The following HMCN2 variants were observed in gnomAD, a reference collection of about 807,000 sequenced individuals.
HMCN2 encodes the protein hemicentin-2.
Under a neutral mutation model 377.5 loss-of-function variants are expected in HMCN2, and 325 were observed. The observed-to-expected ratio is 0.86, with a 90% CI of 0.79 to 0.94. The LOEUF is 0.94. Ranked by LOEUF, HMCN2 falls within the 40% of genes least tolerant of loss-of-function variation. HMCN2 has a pLI of 0.00. For synonymous variants in HMCN2, 2,007 were observed against 2,046.8 expected, an observed-to-expected ratio of 0.98 and a Z score of 0.53; for missense variants, 4,543 against 4,725.3, an observed-to-expected ratio of 0.96 and a Z score of 1.13.
Position 130,377,689 on chromosome 9 carries a change from G to T in HMCN2, c.8102G>T (p.Gly2701Val). Reference protein sequence around the residue: ...PSSRLQVLGEGRLLQIQPTQV... With the variant: ...PSSRLQVLGEVRLLQIQPTQV... ...TCGCGGCTGCAGGTCCTGGGTGAAG[G>T]GCGACTGCTCCAGATCCAGCCCACA... The change falls in exon 53 of 98, where the codon GGG becomes GTG. Residue 2701 changes from glycine to valine, a missense_variant. Around this residue, in one of 5 missense-constraint regions of HMCN2, gnomAD observed 736 missense variants for 773.2 expected, o/e 0.95. Transcript: ENST00000683500. 2 of 985,936 alleles carry T rather than the reference G, an allele frequency of 2.0e-6. No homozygotes were observed. The highest frequency in any genetic ancestry group is 1.2e-6 in the Non-Finnish European group (1 of 829,984). The allele number at this position is 985,936 out of a possible 1,614,324, so 61.1% of individuals were successfully genotyped here.
At position 130,302,878 on chromosome 9, in the gene HMCN2, C is replaced by T. The variant is rs544969070; in HGVS notation, c.1298C>T (p.Ala433Val). 8.6e-6 allele frequency: 4 copies of T among 467,648 alleles called. No individual in the cohort carries two copies. Among genetic ancestry groups the T allele is most frequent in the Admixed American group, 4.7e-5 (2 of 42,342 alleles). The allele number at this position is 467,648 out of a possible 1,614,324, so 29.0% of individuals were successfully genotyped here. A position where few individuals can be genotyped will look rare whatever the true frequency, so the allele number is the denominator to read the frequency against. Residue 433 changes from alanine (A) to valine (V), a missense_variant, in exon 9 of 98, where the codon GCC becomes GTC. Ala to Val is a moderately conservative substitution (Grantham distance 64, BLOSUM62 0). Coordinates refer to ENST00000683500, the MANE Select transcript of HMCN2 (RefSeq NM_001291815.2). ...ACAGGCGCTCCCCTCGTCAGCATGGCCCCCAGGATCCATGGCTACCTGCAC... is the reference window on the plus strand; with the variant it reads ...ACAGGCGCTCCCCTCGTCAGCATGGTCCCCAGGATCCATGGCTACCTGCAC... ...VAPGAPLVSM[A>V]PRIHGYLHQP... is the part of the protein sequence containing the mutation.
At chr9:130,327,182 T>C (rs2131421519) in intron 21 of HMCN2, 128 bp from the exon 22 acceptor site, 1 of 152,396 alleles carries the variant, frequency 6.6e-6, no homozygotes, top group East Asian at 1.9e-4. Context: ...ATCCACCTTC[T>C]GGACCTCCTG....
At position 130,407,670 on chromosome 9, in the gene HMCN2, G is replaced by A. The variant is rs1186792174; in HGVS notation, c.12653G>A (p.Gly4218Asp). The stretch of plus-strand genomic sequence containing the variant: ...GTCTGCTGGGCGGAGAACAGAGTGG[G>A]CCGCACGCAGGCGGTCAGCTTCGTC... ...TYVCWAENRVGRTQAVSFVHV... is the reference protein window; with the variant it reads ...TYVCWAENRVDRTQAVSFVHV... The change falls in exon 83 of 98, where the codon GGC becomes GAC. Residue 4218 changes from glycine (G) to aspartate (D), a missense_variant. By Grantham distance (94) the Gly-to-Asp change is moderately conservative (BLOSUM62 -1). Coordinates refer to ENST00000683500, the MANE Select transcript of HMCN2 (RefSeq NM_001291815.2). 6.3e-6 allele frequency: 8 copies of A among 1,266,190 alleles called. No homozygotes were observed. In the Admixed American group the frequency reaches 2.0e-4, roughly 31 times the overall value. 78.4% of individuals were successfully genotyped at this position (1,266,190 alleles called of 1,614,324 possible).
At chr9:130,427,170 A>G in intron 90 of HMCN2, 143 bp from the exon 91 acceptor site, 1 of 821,838 alleles carries the variant, frequency 1.2e-6, no homozygotes, top group Non-Finnish European at 2.0e-6. Context: ...TGGGCAGGAA[A>G]TGGGCTTGCT....
intron 1 of HMCN2, among the ~76,000 whole-genome samples, chr9:130,274,360 C>T (rs1554922285): frequency 6.6e-6 from 1 of 152,108 alleles, no homozygotes; most frequent in Non-Finnish European, 1.5e-5. Context: ...CTGGCCAATG[C>T]GTTAATTTTC....
At chr9:130,404,239 G>T (rs961690446) in intron 80 of HMCN2, among the ~76,000 whole-genome samples, 4 of 152,218 alleles carry the variant, frequency 2.6e-5, no homozygotes, top group African/African-American at 9.6e-5. Context: ...TGCAAAGTCT[G>T]CTGGGAATAT....
chr9:130,275,438 A>T, intron 1 of HMCN2, among the ~76,000 whole-genome samples: 1 of 152,118 alleles, frequency 6.6e-6, no homozygotes, highest in Non-Finnish European at 1.5e-5. Context: ...CCTGAGTGAC[A>T]TTGCTATTTT....
rs1388988635 is a variant in HMCN2 at position 130,303,176 on chromosome 9, C to T, written c.1421+175C>T. Among the ~76,000 whole-genome samples the T allele has an allele frequency of 2.0e-5, 3 of 152,148 alleles. No homozygotes were observed. Among genetic ancestry groups the T allele is most frequent in the African/African-American group, 2.4e-5 (1 of 41,430 alleles). ...AGCCAGGGATGGAGAGGAGTTTTTC[C>T]GAGACTCCCACCACTGCTGGGCCAT... is the stretch of plus-strand genomic sequence containing the variant. On this transcript the variant is annotated intron_variant, in intron 9 of 97. Transcript: ENST00000683500. The surrounding 1 kb of genome is among the most constrained non-coding windows in gnomAD (Gnocchi z 5.2).
At chr9:130,348,751 G>C (rs1240756564) in intron 27 of HMCN2, 76 bp downstream of exon 27, 1 of 1,282,612 alleles carries the variant, frequency 7.8e-7, no homozygotes, top group African/African-American at 1.5e-5. Context: ...GGGCATTTCT[G>C]CGTGTGCCAA....
intron 49 of HMCN2, 54 bp downstream of exon 49, chr9:130,374,747 A>G (rs1841283202): frequency 4.4e-6 from 4 of 904,362 alleles, no homozygotes; most frequent in Non-Finnish European, 5.3e-6. Context: ...GGGAGAAGCA[A>G]GGTGACTGGC....
At chr9:130,305,778 C>T (rs1836816652) in intron 11 of HMCN2, among the ~76,000 whole-genome samples, 1 of 152,196 alleles carries the variant, frequency 6.6e-6, no homozygotes, top group Non-Finnish European at 1.5e-5. Flanking sequence ...TTGGGGTCAA[C>T]CTCAAGGTCA....
chr9:130,411,788 C>T (rs2131754428), intron 85 of HMCN2, among the ~76,000 whole-genome samples: 1 of 152,106 alleles, frequency 6.6e-6, no homozygotes, highest in South Asian at 2.1e-4. Flanking sequence ...TAGTATGGAG[C>T]TTGCCAGGGG....
In HMCN2 at chr9:130,270,290, TGTTTG is replaced by T. The variant is rs1554920639; in HGVS notation, c.259+4154_259+4158del. Among the ~76,000 whole-genome samples, 50 of 71,110 alleles carry T rather than the reference TGTTTG, an allele frequency of 7.0e-4. 1 individual carries two copies. Among genetic ancestry groups the T allele is most frequent in the South Asian group, 6.7e-3 (10 of 1,500 alleles). The allele number at this position is 71,110 out of a possible 152,430, so 46.7% of individuals were successfully genotyped here. ...TAAAGGTTTTTTTTGTTTGTTTGTT[TGTTTG>T]TTTTTTTTTTTCCCTATCACAAAAC... On this transcript the variant is annotated intron_variant, in intron 1 of 97. Coordinates refer to ENST00000683500, the MANE Select transcript of HMCN2 (RefSeq NM_001291815.2).
Position 130,270,553 on chromosome 9 carries a change from C to A in HMCN2, c.259+4416C>A, listed in dbSNP as rs554462800. Reference sequence around the variant, plus strand: ...CTGCCCTCCAGCCTGGGCGACAGAGCAAGACCCTGTCTCAAAAAGAAAACA... The same window carrying A: ...CTGCCCTCCAGCCTGGGCGACAGAGAAAGACCCTGTCTCAAAAAGAAAACA... On this transcript the variant is annotated intron_variant, in intron 1 of 97. Transcript: ENST00000683500. 8.8e-5 allele frequency among the ~76,000 whole-genome samples: 13 copies of A among 147,878 alleles called. 2 individuals are homozygous for A. Among genetic ancestry groups the A allele is most frequent in the Non-Finnish European group, 1.5e-4 (10 of 65,930 alleles).
chr9:130,364,317 C>A (rs1195739890), intron 40 of HMCN2, among the ~76,000 whole-genome samples: 1 of 152,244 alleles, frequency 6.6e-6, no homozygotes, highest in Non-Finnish European at 1.5e-5. Context: ...CCCTGCGTTC[C>A]TTCCTGCAAA....
At chr9:130,374,151 T>C (rs918995964) in intron 48 of HMCN2, among the ~76,000 whole-genome samples, 1 of 148,798 alleles carries the variant, frequency 6.7e-6, no homozygotes, top group Non-Finnish European at 1.5e-5. Context: ...GAATGGATGA[T>C]TGATTGACTG....
chr9:130,324,812 A>T (rs1838040157), intron 19 of HMCN2, among the ~76,000 whole-genome samples: 1 of 151,868 alleles, frequency 6.6e-6, no homozygotes, highest in Non-Finnish European at 1.5e-5. Flanking sequence ...TTTAGTAGAG[A>T]CAGGGTTTCA....
chr9:130,382,654 T>G, intron 55 of HMCN2, 25 bp from the exon 56 acceptor site: 35 of 298,784 alleles, frequency 1.2e-4, no homozygotes, highest in South Asian at 1.5e-4. Context: ...TGCCAGCCCC[T>G]CAGCCCCCTC....
At chr9:130,415,767 T>C (rs954058122) in intron 85 of HMCN2, among the ~76,000 whole-genome samples, 9 of 152,242 alleles carry the variant, frequency 5.9e-5, no homozygotes, top group Admixed American at 1.3e-4. Flanking sequence ...CAATCCAGCC[T>C]GTCCGTGGCT....
Sources: gnomAD v4.1 joint callset for allele counts (sites outside exome capture counted in the v4.1 genomes callset) on GRCh38, gnomAD v4.1.1 for gene constraint, gnomAD v4.1.1 regional missense constraint, Gnocchi (gnomAD v3.1) non-coding constraint, MANE v1.5 for transcripts, NCBI Gene and HGNC (gene_info 2026-07-23, HGNC 2026-07-21) for gene names.